The following TANC2 variants were observed in gnomAD, a reference collection of about 807,000 sequenced individuals.
TANC2 encodes the protein tetratricopeptide repeat, ankyrin repeat and coiled-coil containing 2.
Under a neutral mutation model 210.5 loss-of-function variants are expected in TANC2, and 26 were observed. That is an observed-to-expected ratio of 0.12 (90% CI 0.09 to 0.17). The LOEUF (loss-of-function observed/expected upper bound fraction) is 0.17, where lower values mean the gene tolerates loss of function less well. TANC2 is among the 10% of genes least tolerant of loss of function. The probability of loss-of-function intolerance (pLI) is 1.00; values close to 1 mark genes in which losing one functional copy is unlikely to be tolerated. For synonymous variants in TANC2, 931 were observed against 967.1 expected (o/e 0.96, Z 0.69); for missense variants, 2,129 against 2,608.9 (o/e 0.82, Z 4.01).
At chr17:63,402,704 A>G (rs2048379692) in intron 19 of TANC2, among the ~76,000 whole-genome samples, 1 of 152,252 alleles carries the variant, frequency 6.6e-6, no homozygotes, top group South Asian at 2.1e-4. Context: ...CTGTCAGATC[A>G]TCTCGTCAGA....
intron 10 of TANC2, 55 bp downstream of exon 10, chr17:63,314,724 A>T: frequency 6.3e-7 from 1 of 1,581,756 alleles, no homozygotes; most frequent in Non-Finnish European, 8.6e-7. Flanking sequence ...AGTTTTTCTG[A>T]CATATTTATA....
At chr17:63,147,533 C>T (rs769647460) in intron 4 of TANC2, among the ~76,000 whole-genome samples, 3 of 152,246 alleles carry the variant, frequency 2.0e-5, no homozygotes, top group South Asian at 2.1e-4. Flanking sequence ...GTGTGCCATA[C>T]GATCACCTGC....
At chr17:63,081,767 A>G (rs1414952755) in intron 3 of TANC2, among the ~76,000 whole-genome samples, 1 of 152,226 alleles carries the variant, frequency 6.6e-6, no homozygotes, top group Non-Finnish European at 1.5e-5. Context: ...TAAATAGACT[A>G]TTTAGCTTAT....
At chr17:63,222,883 A>C (rs2042233521) in intron 7 of TANC2, among the ~76,000 whole-genome samples, 1 of 152,214 alleles carries the variant, frequency 6.6e-6, no homozygotes, top group Non-Finnish European at 1.5e-5. Flanking sequence ...GCAACAATCC[A>C]AATGCCCACC....
chr17:63,111,556 T>C (rs1274186988), intron 4 of TANC2, among the ~76,000 whole-genome samples: 2 of 152,180 alleles, frequency 1.3e-5, no homozygotes, highest in African/African-American at 4.8e-5. Context: ...TAGATGGTTT[T>C]CTACTCTTCA....
intron 2 of TANC2, among the ~76,000 whole-genome samples, chr17:63,010,528 A>G (rs1449991798): frequency 1.3e-5 from 2 of 151,672 alleles, no homozygotes; most frequent in East Asian, 1.9e-4. Flanking sequence ...TATGTCCTAC[A>G]ATTCAATTCA....
At chr17:63,271,567 C>T (rs141086200) in intron 9 of TANC2, among the ~76,000 whole-genome samples, 446 of 151,804 alleles carry the variant, frequency 2.9e-3, no homozygotes, top group Non-Finnish European at 4.9e-3. Flanking sequence ...TTTTAAGCCC[C>T]GCATGGATTA....
intron 2 of TANC2, among the ~76,000 whole-genome samples, chr17:63,072,089 C>T (rs1033448543): frequency 6.6e-6 from 1 of 152,038 alleles, no homozygotes; most frequent in Non-Finnish European, 1.5e-5. Context: ...CCTTTCTGTT[C>T]TTAAATACAT....
intron 12 of TANC2, among the ~76,000 whole-genome samples, chr17:63,344,601 A>T (rs572823485): frequency 3.2e-4 from 49 of 152,370 alleles, no homozygotes; most frequent in African/African-American, 1.2e-3. Context: ...GCAAACTCTA[A>T]GGAATCTACC....
At chr17:63,140,047 T>C (rs1477327094) in intron 4 of TANC2, among the ~76,000 whole-genome samples, 1 of 152,214 alleles carries the variant, frequency 6.6e-6, no homozygotes, top group Non-Finnish European at 1.5e-5. Context: ...TGCTTTTGTT[T>C]AAATAATTTA....
At chr17:63,406,679 C>T (rs1266671130) in intron 21 of TANC2, among the ~76,000 whole-genome samples, 1 of 152,206 alleles carries the variant, frequency 6.6e-6, no homozygotes, top group East Asian at 1.9e-4. Context: ...CCTGCTGACT[C>T]TGGGATGCTA....
intron 2 of TANC2, among the ~76,000 whole-genome samples, chr17:63,031,182 G>A (rs1039204758): frequency 2.0e-5 from 3 of 152,076 alleles, no homozygotes; most frequent in African/African-American, 4.8e-5. Flanking sequence ...TTCTGGAATA[G>A]GAGTGGATGG....
At chr17:63,128,830 T>A (rs753822950) in intron 4 of TANC2, among the ~76,000 whole-genome samples, 32 of 152,220 alleles carry the variant, frequency 2.1e-4, no homozygotes, top group South Asian at 8.3e-4. Context: ...TGTCTGTATA[T>A]GACTTAGGTC....
intron 2 of TANC2, among the ~76,000 whole-genome samples, chr17:63,058,572 TTA>T (rs1305175323): frequency 6.6e-6 from 1 of 152,244 alleles, no homozygotes; most frequent in Non-Finnish European, 1.5e-5. Flanking sequence ...ATTTGAGTCT[TTA>T]CTCAATCTTG....
intron 8 of TANC2, among the ~76,000 whole-genome samples, chr17:63,260,166 GT>G (rs2043314661): frequency 6.6e-6 from 1 of 152,244 alleles, no homozygotes; most frequent in South Asian, 2.1e-4. Flanking sequence ...TGTACTGAGA[GT>G]CAGGATACCT....
intron 4 of TANC2, among the ~76,000 whole-genome samples, chr17:63,123,295 C>A (rs1019427175): frequency 6.6e-6 from 1 of 151,934 alleles, no homozygotes; most frequent in East Asian, 1.9e-4. Context: ...CGGTGGCTCA[C>A]GCCTGTAATC....
chr17:63,076,924 T>C (rs1358963115), intron 3 of TANC2, among the ~76,000 whole-genome samples: 1 of 152,114 alleles, frequency 6.6e-6, no homozygotes, highest in African/African-American at 2.4e-5. Context: ...TCCAGGAATT[T>C]CAGTATTCAA....
intron 9 of TANC2, among the ~76,000 whole-genome samples, chr17:63,295,021 GA>G (rs2044491397): frequency 1.3e-5 from 2 of 152,284 alleles, no homozygotes; most frequent in Admixed American, 1.3e-4. Flanking sequence ...ACCCCACAGA[GA>G]ATATTCATTA....
chr17:63,344,975 A>G (rs945802221), intron 12 of TANC2, among the ~76,000 whole-genome samples: 3 of 152,224 alleles, frequency 2.0e-5, no homozygotes, highest in Non-Finnish European at 4.4e-5. Flanking sequence ...GCTGCAAAGC[A>G]CAAACCACAG....
Sources: allele counts gnomAD v4.1 joint callset (sites outside exome capture counted in the v4.1 genomes callset), GRCh38; gene constraint gnomAD v4.1.1; transcripts MANE v1.5; gene names NCBI Gene and HGNC (gene_info 2026-07-23, HGNC 2026-07-21).